PTPRH: variants seen among roughly 807,000 people sequenced by gnomAD.
PTPRH encodes protein tyrosine phosphatase receptor type H.
Under a neutral mutation model 130.2 loss-of-function variants are expected in PTPRH, and 113 were observed. The ratio of observed to expected loss-of-function variants is 0.87; its 90% CI spans 0.75 to 1.01. PTPRH has a LOEUF of 1.01. Ranked by LOEUF, PTPRH falls within the 50% of genes least tolerant of loss-of-function variation. The pLI is 0.00. For missense variants in PTPRH, 1,430 were observed against 1,425.0 expected (o/e 1.00, Z -0.06); for synonymous variants, 556 against 577.9 (o/e 0.96, Z 0.54).
intron 7 of PTPRH, among the ~76,000 whole-genome samples, chr19:55,199,138 C>T (rs1356812740): frequency 6.6e-6 from 1 of 152,134 alleles, no homozygotes; most frequent in Non-Finnish European, 1.5e-5. Context: ...GACCCTATCG[C>T]TACTAAAAAT....
At chr19:55,187,116 C>A (rs1322803230) in intron 14 of PTPRH, among the ~76,000 whole-genome samples, 1 of 150,286 alleles carries the variant, frequency 6.7e-6, no homozygotes, top group Non-Finnish European at 1.5e-5. Context: ...GAGGCCGAGG[C>A]GGGCAGATCA....
intron 10 of PTPRH, chr19:55,194,243 C>A (rs1455441704): frequency 3.4e-5 from 44 of 1,289,660 alleles, no homozygotes; most frequent in Non-Finnish European, 4.3e-5. Flanking sequence ...AGGCTCAAGC[C>A]TATGGCCCAT....
intron 6 of PTPRH, among the ~76,000 whole-genome samples, chr19:55,200,804 G>A (rs919292485): frequency 4.6e-5 from 7 of 152,088 alleles, no homozygotes; most frequent in African/African-American, 9.7e-5. Flanking sequence ...TTAGCCGGGC[G>A]TGGTGGCTGG....
chr19:55,207,350 T>TCGAC (rs2087104057), intron 1 of PTPRH, 151 bp from the exon 2 acceptor site: 7 of 770,304 alleles, frequency 9.1e-6, no homozygotes, highest in Non-Finnish European at 1.3e-5. Context: ...TGTCACGACC[T>TCGAC]CGACCGTCTT....
chr19:55,182,559 G>T (rs1308768720), intron 18 of PTPRH, among the ~76,000 whole-genome samples: 2 of 152,054 alleles, frequency 1.3e-5, no homozygotes, highest in African/African-American at 4.8e-5. Flanking sequence ...AAAACTGCCT[G>T]GAGTTCCTTC....
At position 55,209,155 on chromosome 19, in the gene PTPRH, G is replaced by A. The variant is rs1002989495; in HGVS notation, c.51+228C>T. Among the ~76,000 whole-genome samples the A allele has an allele frequency of 6.6e-6, 1 of 151,358 alleles. No homozygotes were observed. On this transcript the variant is annotated intron_variant, in intron 1 of 19. Coordinates refer to ENST00000376350, the MANE Select transcript of PTPRH (RefSeq NM_002842.5). The surrounding 1 kb of genome is among the most constrained non-coding windows in gnomAD (Gnocchi z 4.1). ...TGTCCCCCACAACAGACACGACAAT[G>A]TCTAAGGGCCCGGGTGAAGCTGGTG...
Position 55,209,241 on chromosome 19 carries a change from TGC to T in PTPRH, c.51+140_51+141del, listed in dbSNP as rs1463718052. The T allele has an allele frequency of 2.1e-5, 16 of 753,996 alleles. No homozygotes were observed. The highest frequency in any genetic ancestry group is 3.0e-5 in the Non-Finnish European group (13 of 432,924). 46.7% of individuals were successfully genotyped at this position (753,996 alleles called of 1,614,324 possible). On this transcript the variant is annotated intron_variant, in intron 1 of 19. Transcript: ENST00000376350. The surrounding 1 kb of genome is among the most constrained non-coding windows in gnomAD (Gnocchi z 4.1). ...AGGTGTAAGACTCTCCTACAGTCTCTGCCAAGCCTGAAGCCCTCTTCCTTCTC... is the reference window on the plus strand; with the variant it reads ...AGGTGTAAGACTCTCCTACAGTCTCTCAAGCCTGAAGCCCTCTTCCTTCTC...
chr19:55,187,030 A>AGTG (rs2086359053), intron 14 of PTPRH, among the ~76,000 whole-genome samples: 1 of 132,506 alleles, frequency 7.5e-6, no homozygotes. Flanking sequence ...GGGTGACAGC[A>AGTG]AGACTCTGTC....
At position 55,188,086 on chromosome 19, in the gene PTPRH, C is replaced by A. The variant is rs890870; in HGVS notation, c.2467G>T (p.Glu823Ter). ...ERDSNCGFAD[E>*]YQQLSLVGHS... ...CTCTGTCCTCTCCCCACCTGGTACTCGTCTGCAAAACCACAGTTGCTGTCC... is the reference window on the plus strand; with the variant it reads ...CTCTGTCCTCTCCCCACCTGGTACTAGTCTGCAAAACCACAGTTGCTGTCC... Residue 823 changes from glutamate (E) to a stop codon, truncating the protein, a stop_gained, in exon 13 of 20, where the codon GAG becomes TAG. Transcript: ENST00000376350. LOFTEE classifies it high-confidence loss of function. The A allele has an allele frequency of 3.9e-5, 63 of 1,613,724 alleles. No individual in the cohort carries two copies. Among genetic ancestry groups the A allele is most frequent in the Non-Finnish European group, 5.2e-5 (61 of 1,179,760 alleles).
At chr19:55,203,498 C>A (rs1028788657) in intron 5 of PTPRH, among the ~76,000 whole-genome samples, 2 of 151,446 alleles carry the variant, frequency 1.3e-5, no homozygotes, top group Non-Finnish European at 2.9e-5. Flanking sequence ...TCACTGCAAC[C>A]TCTGCCTCCC....
chr19:55,186,669 C>A, intron 14 of PTPRH, 129 bp from the exon 15 acceptor site: 1 of 366,080 alleles, frequency 2.7e-6, no homozygotes, highest in Non-Finnish European at 3.5e-6. Context: ...CATGCCGAGA[C>A]GCAGGCAGAC....
chr19:55,204,784 A>C (rs1171702885), intron 4 of PTPRH, among the ~76,000 whole-genome samples: 2 of 152,212 alleles, frequency 1.3e-5, no homozygotes, highest in African/African-American at 4.8e-5. Context: ...AAGGAAATGG[A>C]AGCCCTTCAA....
chr19:55,184,197 T>C (rs1310725715), intron 18 of PTPRH, among the ~76,000 whole-genome samples: 1 of 151,860 alleles, frequency 6.6e-6, no homozygotes, highest in Non-Finnish European at 1.5e-5. Flanking sequence ...GGCAGGAGAA[T>C]TGCTTGAACC....
chr19:55,190,624 TTATA>T (rs897304585), intron 12 of PTPRH, among the ~76,000 whole-genome samples: 2 of 138,642 alleles, frequency 1.4e-5, no homozygotes, highest in Non-Finnish European at 3.0e-5. Flanking sequence ...ATATTATAAA[TTATA>T]TATATATATA....
At position 55,187,139 on chromosome 19, in the gene PTPRH, A is replaced by T. The variant is rs1163880897; in HGVS notation, c.2566+374T>A. Among the ~76,000 whole-genome samples the T allele has an allele frequency of 2.7e-5, 4 of 150,704 alleles. No homozygotes were observed. The East Asian group carries it at 5.9e-4, about 22-fold the overall frequency. ...GGCGGGCAGATCACAAGGTCAGGAG[A>T]TCGAGACCATCCTGGCTAACACGGT... On this transcript the variant is annotated intron_variant, in intron 14 of 19. Transcript: ENST00000376350.
In PTPRH at chr19:55,196,626, A is replaced by G. The variant is rs1204420433; in HGVS notation, c.2153T>C (p.Val718Ala). The G allele has an allele frequency of 1.5e-5, 24 of 1,613,814 alleles. No individual in the cohort carries two copies. The highest frequency in any genetic ancestry group is 1.9e-5 in the Non-Finnish European group (22 of 1,179,994). Reference sequence around the variant, plus strand: ...GGACCGAGCCGGCCCGAGACCCAACACAGACACAGCCTCCCCACATGAAGA... The same window carrying G: ...GGACCGAGCCGGCCCGAGACCCAACGCAGACACAGCCTCCCCACATGAAGA... The part of the protein sequence containing the change: ...DRSSCGEAVS[V>A]LGLGPARSYP... Residue 718 changes from valine to alanine, a missense_variant, in exon 10 of 20, where the codon GTG becomes GCG. Val to Ala is a moderately conservative substitution (Grantham distance 64). Transcript: ENST00000376350.
chr19:55,205,046 G>A (rs113179248), intron 4 of PTPRH, among the ~76,000 whole-genome samples: 3 of 152,232 alleles, frequency 2.0e-5, no homozygotes, highest in African/African-American at 7.2e-5. Flanking sequence ...CTAATTCCTT[G>A]AAAGCTCAGG....
chr19:55,183,974 T>A (rs75358369), intron 18 of PTPRH, among the ~76,000 whole-genome samples: 147 of 151,896 alleles, frequency 9.7e-4, no homozygotes, highest in African/African-American at 3.4e-3. Context: ...TGTGATGACA[T>A]CCACTCAGCT....
At chr19:55,197,460 C>G in intron 8 of PTPRH, 44 bp from the exon 9 acceptor site, 1 of 1,547,424 alleles carries the variant, frequency 6.5e-7, no homozygotes, top group Non-Finnish European at 8.8e-7. Context: ...CCTCGAAGAC[C>G]CTCCTACCCC....
Sources: gnomAD v4.1 joint callset for allele counts (sites outside exome capture counted in the v4.1 genomes callset) on GRCh38, gnomAD v4.1.1 for gene constraint, Gnocchi (gnomAD v3.1) non-coding constraint, MANE v1.5 for transcripts, NCBI Gene and HGNC (gene_info 2026-07-23, HGNC 2026-07-21) for gene names.